Variants in DTWD2 observed in about 807,000 individuals in gnomAD.
The protein encoded by DTWD2 is tRNA-uridine aminocarboxypropyltransferase 2.
In DTWD2, 39 loss-of-function variants were observed where a neutral mutation model predicts 31.8. The observed-to-expected ratio is 1.22, with a 90% confidence interval of 0.95 to 1.60. The LOEUF is 1.60. Ranked by LOEUF, DTWD2 falls within the 40% of genes most tolerant of loss-of-function variation. The pLI, the probability that DTWD2 is intolerant of heterozygous loss-of-function variation, is 0.00. For synonymous variants in DTWD2, 180 were observed against 142.8 expected, an observed-to-expected ratio of 1.26 and a Z score of -1.86; for missense variants, 515 against 381.5, an observed-to-expected ratio of 1.35 and a Z score of -2.92.
chr5:118,876,549 G>A (rs1046651553), intron 4 of DTWD2, among the ~76,000 whole-genome samples: 1 of 151,950 alleles, frequency 6.6e-6, no homozygotes, highest in African/African-American at 2.4e-5. Flanking sequence ...GACAAGAGGG[G>A]TATTACCACT....
intron 4 of DTWD2, among the ~76,000 whole-genome samples, chr5:118,888,971 G>A (rs1249584812): frequency 1.3e-5 from 2 of 152,212 alleles, no homozygotes; most frequent in Admixed American, 1.3e-4. Flanking sequence ...AGTATGGAAA[G>A]TTAATTATAC....
intron 4 of DTWD2, among the ~76,000 whole-genome samples, chr5:118,897,450 T>A (rs1212065483): frequency 6.6e-6 from 1 of 152,206 alleles, no homozygotes; most frequent in Non-Finnish European, 1.5e-5. Context: ...ATATACATAA[T>A]TCTTTGCACA....
rs1346496742 is a variant in DTWD2 at position 118,839,328 on chromosome 5, G to A, written c.*1589C>T. On this transcript the variant is annotated 3_prime_UTR_variant, in exon 6 of 6. Coordinates refer to ENST00000510708, the MANE Select transcript of DTWD2 (RefSeq NM_173666.4). ...ACCAAATAATCATTTGATATTAAGT[G>A]CTTTACATTGTAAATGAGCTAGTTT... 3 of 151,926 alleles carry A rather than the reference G, an allele frequency of 2.0e-5. No homozygotes were observed. The highest frequency in any genetic ancestry group is 6.6e-5 in the Admixed American group (1 of 15,252). 9.4% of individuals were successfully genotyped at this position (151,926 alleles called of 1,614,324 possible). A position where few individuals can be genotyped will look rare whatever the true frequency, so the allele number is the denominator to read the frequency against.
intron 1 of DTWD2, among the ~76,000 whole-genome samples, chr5:118,968,390 C>G (rs1370549220): frequency 1.3e-5 from 2 of 152,160 alleles, no homozygotes; most frequent in Admixed American, 6.5e-5. Context: ...GTGGCTATCA[C>G]AGAGAAGAAT....
chr5:118,883,028 C>T (rs1174048330), intron 4 of DTWD2, among the ~76,000 whole-genome samples: 1 of 152,214 alleles, frequency 6.6e-6, no homozygotes, highest in Non-Finnish European at 1.5e-5. Flanking sequence ...CTCTTTTAAA[C>T]ATAAGTTAAC....
At chr5:118,853,437 A>G (rs1444944723) in intron 4 of DTWD2, among the ~76,000 whole-genome samples, 1 of 152,184 alleles carries the variant, frequency 6.6e-6, no homozygotes, top group Non-Finnish European at 1.5e-5. Flanking sequence ...TACCAAAAAG[A>G]TACATGCACT....
At chr5:118,927,054 CAGAGAGAGACAG>C (rs1296251471) in intron 4 of DTWD2, among the ~76,000 whole-genome samples, 1 of 152,034 alleles carries the variant, frequency 6.6e-6, no homozygotes, top group Non-Finnish European at 1.5e-5. Context: ...TCCTCACATG[CAGAGAGAGACAG>C]AGAAAGAGAG....
At chr5:118,940,222 G>A (rs1284571369) in intron 2 of DTWD2, among the ~76,000 whole-genome samples, 1 of 152,146 alleles carries the variant, frequency 6.6e-6, no homozygotes, top group Admixed American at 6.5e-5. Flanking sequence ...TTGTTGCCAC[G>A]AGAATTCTAC....
In DTWD2 at chr5:118,839,384, T is replaced by G. The variant is rs76668466; in HGVS notation, c.*1533A>C. ...TTTATTTATTTATTTTAGACAGGTC[T>G]CACTCTGTAGCCCAGGCTGGAGTGC... On this transcript the variant is annotated 3_prime_UTR_variant, in exon 6 of 6. Transcript: ENST00000510708. 1.3e-3 allele frequency: 192 copies of G among 152,280 alleles called. No individual in the cohort carries two copies. The highest frequency in any genetic ancestry group is 4.1e-3 in the African/African-American group (171 of 41,564). The allele number at this position is 152,280 out of a possible 1,614,324, so 9.4% of individuals were successfully genotyped here. A position where few individuals can be genotyped will look rare whatever the true frequency, so the allele number is the denominator to read the frequency against.
At chr5:118,874,061 A>C (rs1292512354) in intron 4 of DTWD2, among the ~76,000 whole-genome samples, 1 of 152,234 alleles carries the variant, frequency 6.6e-6, no homozygotes, top group Non-Finnish European at 1.5e-5. Flanking sequence ...CAGGAGTTAC[A>C]GCACTCAGTC....
At chr5:118,920,472 A>C (rs767948160) in intron 4 of DTWD2, among the ~76,000 whole-genome samples, 1 of 152,158 alleles carries the variant, frequency 6.6e-6, no homozygotes, top group Non-Finnish European at 1.5e-5. Flanking sequence ...GGTTACCTGG[A>C]ACGGGGGCAG....
intron 4 of DTWD2, among the ~76,000 whole-genome samples, chr5:118,905,638 C>T (rs1012357475): frequency 2.6e-5 from 4 of 152,048 alleles, no homozygotes; most frequent in Non-Finnish European, 2.9e-5. Flanking sequence ...TTGGTTGTCT[C>T]GTTTCAAAAG....
chr5:118,888,623 G>A (rs1423178183), intron 4 of DTWD2, among the ~76,000 whole-genome samples: 1 of 152,144 alleles, frequency 6.6e-6, no homozygotes, highest in Admixed American at 6.5e-5. Context: ...AAATATCTAG[G>A]AGTGAAATGG....
chr5:118,928,528 C>G lies in DTWD2; in HGVS notation c.597+9G>C. ...TTATATTTATTCTCTGTTAAAATTA[C>G]TAGTTTACCTGTTTGGGATGTCGGA... On this transcript the variant is annotated intron_variant, in intron 4 of 5. Coordinates refer to ENST00000510708, the MANE Select transcript of DTWD2 (RefSeq NM_173666.4). 6.8e-7 allele frequency: 1 copy of G among 1,463,872 alleles called. No individual in the cohort carries two copies. The highest frequency in any genetic ancestry group is 2.4e-5 in the East Asian group (1 of 41,516). The allele number at this position is 1,463,872 out of a possible 1,614,324, so 90.7% of individuals were successfully genotyped here.
chr5:118,912,644 C>T (rs74840505), intron 4 of DTWD2, among the ~76,000 whole-genome samples: 8,254 of 135,858 alleles, frequency 0.061, 692 homozygotes, highest in East Asian at 0.45. Flanking sequence ...CAAATGTCAG[C>T]TCCTCTGACA....
intron 1 of DTWD2, among the ~76,000 whole-genome samples, chr5:118,971,397 T>C (rs1438327205): frequency 1.3e-5 from 2 of 152,134 alleles, no homozygotes; most frequent in African/African-American, 4.8e-5. Flanking sequence ...AAGGGCGTTA[T>C]ATATGGTAAA....
chr5:118,917,973 C>A (rs1277047963), intron 4 of DTWD2, among the ~76,000 whole-genome samples: 3 of 149,976 alleles, frequency 2.0e-5, no homozygotes, highest in African/African-American at 4.9e-5. Flanking sequence ...AAAAAAAAAA[C>A]CATCCAATTT....
At chr5:118,957,926 C>G (rs565534744) in intron 1 of DTWD2, among the ~76,000 whole-genome samples, 1 of 151,888 alleles carries the variant, frequency 6.6e-6, no homozygotes. Flanking sequence ...TTTTTGATAT[C>G]TAGTTTTGTG....
intron 4 of DTWD2, among the ~76,000 whole-genome samples, chr5:118,923,686 A>G (rs1753752488): frequency 6.6e-6 from 1 of 152,168 alleles, no homozygotes. Context: ...CCTTTTAAAT[A>G]AACTTCAACT....
Sources: allele counts gnomAD v4.1 joint callset (sites outside exome capture counted in the v4.1 genomes callset), GRCh38; gene constraint gnomAD v4.1.1; transcripts MANE v1.5; gene names NCBI Gene and HGNC (gene_info 2026-07-23, HGNC 2026-07-21).